The following FAM13B variants were observed in gnomAD, a reference collection of about 807,000 sequenced individuals.
The protein encoded by FAM13B is protein FAM13B.
Under a neutral mutation model 117.3 loss-of-function variants are expected in FAM13B, and 60 were observed. That is an observed-to-expected ratio of 0.51 (90% CI 0.42 to 0.63). The LOEUF is 0.63. Ranked by LOEUF, FAM13B falls within the 30% of genes least tolerant of loss-of-function variation. The pLI is 0.00. For missense variants in FAM13B, 972 were observed against 1,091.9 expected, an observed-to-expected ratio of 0.89 and a Z score of 1.55; for synonymous variants, 332 against 356.1, an observed-to-expected ratio of 0.93 and a Z score of 0.76.
chr5:138,009,802 CAA>C (rs756061969), intron 6 of FAM13B, among the ~76,000 whole-genome samples: 2 of 80,478 alleles, frequency 2.5e-5, no homozygotes, highest in African/African-American at 5.1e-5. Flanking sequence ...GAGACTGTCT[CAA>C]AAAAAAAAAA....
chr5:137,938,080 T>C lies in FAM13B; in HGVS notation c.*2145A>G, dbSNP rs1581014625. The C allele has an allele frequency of 1.3e-5, 2 of 152,352 alleles. No homozygotes were observed. Among genetic ancestry groups the C allele is most frequent in the East Asian group, 1.9e-4 (1 of 5,192 alleles). 9.4% of individuals were successfully genotyped at this position (152,352 alleles called of 1,614,324 possible). A position where few individuals can be genotyped will look rare whatever the true frequency, so the allele number is the denominator to read the frequency against. ...TATTTGTATATAGATATACAGTTTTTATTTGTACCAAAGTAAAACTATCAC... is the reference window on the plus strand; with the variant it reads ...TATTTGTATATAGATATACAGTTTTCATTTGTACCAAAGTAAAACTATCAC... On this transcript the variant is annotated 3_prime_UTR_variant, in exon 24 of 24. Coordinates refer to ENST00000689681, the MANE Select transcript of FAM13B (RefSeq NM_001385994.1).
intron 13 of FAM13B, among the ~76,000 whole-genome samples, chr5:137,957,563 A>T (rs930113553): frequency 2.0e-5 from 3 of 151,126 alleles, no homozygotes; most frequent in Admixed American, 6.6e-5. Flanking sequence ...AAAAAAAAAA[A>T]TTGGAGGAAT....
rs1309554373 is a variant in FAM13B at position 138,012,011 on chromosome 5, G to A, written c.371-66C>T. 39 of 1,150,204 alleles carry A rather than the reference G, an allele frequency of 3.4e-5. No homozygotes were observed. The South Asian group carries it at 5.3e-4, about 16-fold the overall frequency. The allele number at this position is 1,150,204 out of a possible 1,614,324, so 71.2% of individuals were successfully genotyped here. ...AAGCAAAGCTCTGATATTTTGCCAG[G>A]TTCACATTACTCCACCCACATCACC... is the stretch of plus-strand genomic sequence containing the variant. On this transcript the variant is annotated intron_variant, in intron 4 of 23. Transcript: ENST00000689681.
At chr5:138,043,996 G>A (rs1182315606) in intron 1 of FAM13B, among the ~76,000 whole-genome samples, 1 of 151,526 alleles carries the variant, frequency 6.6e-6, no homozygotes, top group Non-Finnish European at 1.5e-5. Flanking sequence ...ATAGCTCATG[G>A]TAGCCCAGAA....
chr5:138,025,288 C>CATATATATATATATATATAT (rs67314207), intron 1 of FAM13B, among the ~76,000 whole-genome samples: 3 of 92,642 alleles, frequency 3.2e-5, no homozygotes, highest in Non-Finnish European at 3.9e-5. Context: ...CAAACAAAGC[C>CATATATATATATATATATAT]ATATATATAT....
At chr5:137,969,981 T>G (rs2150382422) in intron 10 of FAM13B, among the ~76,000 whole-genome samples, 1 of 152,314 alleles carries the variant, frequency 6.6e-6, no homozygotes, top group Non-Finnish European at 1.5e-5. Context: ...AATCTACGTC[T>G]GATTGGTGTA....
chr5:137,983,508 G>A (rs995522893), intron 10 of FAM13B, among the ~76,000 whole-genome samples: 8 of 152,140 alleles, frequency 5.3e-5, no homozygotes, highest in African/African-American at 1.9e-4. Flanking sequence ...TGGGATGGGG[G>A]GAGTCGAGAG....
chr5:137,960,663 G>C (rs1767887607), intron 11 of FAM13B, among the ~76,000 whole-genome samples: 1 of 152,100 alleles, frequency 6.6e-6, no homozygotes, highest in African/African-American at 2.4e-5. Context: ...AAACTTGACT[G>C]TATTCTATCA....
Position 138,021,100 on chromosome 5 carries a change from C to A in FAM13B, c.-105G>T. The A allele has an allele frequency of 8.1e-7, 1 of 1,231,666 alleles. No individual in the cohort carries two copies. The highest frequency in any genetic ancestry group is 4.1e-5 in the South Asian group (1 of 24,326). 76.3% of individuals were successfully genotyped at this position (1,231,666 alleles called of 1,614,324 possible). A position where few individuals can be genotyped will look rare whatever the true frequency, so the allele number is the denominator to read the frequency against. ...CAGCTACCCTCACTGAGCAAGCATT[C>A]TTTTGTCATTTATGGCTGTTTGAGA... On this transcript the variant is annotated 5_prime_UTR_variant, in exon 2 of 24. The change creates a premature stop within an existing upstream ORF in the 5' untranslated region. Coordinates refer to ENST00000689681, the MANE Select transcript of FAM13B (RefSeq NM_001385994.1).
intron 1 of FAM13B, among the ~76,000 whole-genome samples, chr5:138,047,934 G>A (rs1360238099): frequency 6.6e-6 from 1 of 152,166 alleles, no homozygotes; most frequent in African/African-American, 2.4e-5. Context: ...CATTTGTATT[G>A]TGTTTTTAAA....
chr5:138,041,907 T>A (rs911799698), intron 1 of FAM13B, among the ~76,000 whole-genome samples: 5 of 149,714 alleles, frequency 3.3e-5, no homozygotes, highest in South Asian at 2.1e-4. Flanking sequence ...AAAAAAAAAA[T>A]ATTAATAGCC....
Position 137,945,825 on chromosome 5 carries a change from T to G in FAM13B, c.2340+77A>C, listed in dbSNP as rs1372321359. 4.8e-6 allele frequency: 5 copies of G among 1,045,730 alleles called. No individual in the cohort carries two copies. In the African/African-American group the frequency reaches 6.3e-5, roughly 13 times the overall value. 64.8% of individuals were successfully genotyped at this position (1,045,730 alleles called of 1,614,324 possible). On this transcript the variant is annotated intron_variant, in intron 20 of 23. Coordinates refer to ENST00000689681, the MANE Select transcript of FAM13B (RefSeq NM_001385994.1). ...GTCTTGGCTGTGTATTTCTCCAATA[T>G]ACCACAATAATAATTTTTTTTGGGA...
chr5:138,050,355 T>G (rs1442245870), intron 1 of FAM13B, among the ~76,000 whole-genome samples: 1 of 152,164 alleles, frequency 6.6e-6, no homozygotes, highest in African/African-American at 2.4e-5. Flanking sequence ...GAGAATCCCT[T>G]GAACCCGGGA....
intron 18 of FAM13B, among the ~76,000 whole-genome samples, chr5:137,948,123 T>C (rs4557401): frequency 0.17 from 25,551 of 151,516 alleles, 2,264 homozygotes; most frequent in Non-Finnish European, 0.17. Flanking sequence ...GGTTGCCAAG[T>C]GCTTTGATCA....
chr5:137,980,985 G>A (rs563014080), intron 10 of FAM13B, among the ~76,000 whole-genome samples: 11 of 147,996 alleles, frequency 7.4e-5, no homozygotes, highest in East Asian at 4.1e-4. Flanking sequence ...TGATCACCAC[G>A]CACTGCAGCC....
chr5:137,943,769 A>T (rs1337922905), intron 20 of FAM13B, among the ~76,000 whole-genome samples: 1 of 152,210 alleles, frequency 6.6e-6, no homozygotes, highest in African/African-American at 2.4e-5. Context: ...AAATGATAAG[A>T]ACATACATAT....
chr5:137,984,766 G>GT (rs368769764), intron 10 of FAM13B, among the ~76,000 whole-genome samples: 127 of 147,852 alleles, frequency 8.6e-4, no homozygotes, highest in South Asian at 7.4e-3. Flanking sequence ...AAAATAAGTT[G>GT]TTTTTTTTTT....
At chr5:138,005,463 ATTT>A (rs35581730) in intron 7 of FAM13B, among the ~76,000 whole-genome samples, 2 of 149,048 alleles carry the variant, frequency 1.3e-5, no homozygotes, top group Admixed American at 6.7e-5. Context: ...CAACAAAGGT[ATTT>A]TTTTTTTTTA....
chr5:138,041,079 A>AG (rs1791488135), intron 1 of FAM13B, among the ~76,000 whole-genome samples: 1 of 151,686 alleles, frequency 6.6e-6, no homozygotes, highest in African/African-American at 2.4e-5. Context: ...AAAAAAAAAA[A>AG]AAGAAAAGAA....
Sources: gnomAD v4.1 joint callset for allele counts (sites outside exome capture counted in the v4.1 genomes callset) on GRCh38, gnomAD v4.1.1 for gene constraint, MANE v1.5 for transcripts, NCBI Gene and HGNC (gene_info 2026-07-23, HGNC 2026-07-21) for gene names.